The following HMGB1 variants were observed in gnomAD, a reference collection of about 807,000 sequenced individuals.
HMGB1 encodes high mobility group protein B1.
For synonymous variants in HMGB1, 81 were observed against 84.0 expected, an observed-to-expected ratio of 0.96 and a Z score of 0.19; for missense variants, 79 against 253.5, an observed-to-expected ratio of 0.31 and a Z score of 4.67.
At chr13:30,616,353 T>G (rs1328967635) in intron 1 of HMGB1, among the ~76,000 whole-genome samples, 2 of 152,240 alleles carry the variant, frequency 1.3e-5, no homozygotes, top group African/African-American at 4.8e-5. Flanking sequence ...TTTTAAAAAA[T>G]ACAATTCAGT....
At chr13:30,463,824 A>C in intron 1 of HMGB1, 130 bp from the exon 2 acceptor site, 4 of 625,428 alleles carry the variant, frequency 6.4e-6, no homozygotes, top group Non-Finnish European at 1.1e-5. Flanking sequence ...CCTCCGTAAA[A>C]TCAGACAAGA....
chr13:30,534,579 T>C (rs1160501955), intron 1 of HMGB1, among the ~76,000 whole-genome samples: 1 of 152,100 alleles, frequency 6.6e-6, no homozygotes, highest in Admixed American at 6.6e-5. Context: ...TTTTCTATGT[T>C]GTTAATTAGT....
chr13:30,513,886 G>A (rs74483103), intron 1 of HMGB1, among the ~76,000 whole-genome samples: 15,142 of 152,142 alleles, frequency 0.1, 1,122 homozygotes, highest in African/African-American at 0.19. Flanking sequence ...GCAATACTAT[G>A]CATCTAGCGA....
chr13:30,492,920 G>C (rs1458741481), intron 1 of HMGB1, among the ~76,000 whole-genome samples: 1 of 150,996 alleles, frequency 6.6e-6, no homozygotes, highest in Admixed American at 6.6e-5. Flanking sequence ...GAACCTGGGA[G>C]GGGGAGGTTG....
chr13:30,556,772 G>A lies in HMGB1; in HGVS notation c.-15+59899C>T, dbSNP rs1869710106. Among the ~76,000 whole-genome samples the A allele has an allele frequency of 2.6e-5, 4 of 152,192 alleles. No individual in the cohort carries two copies. In the South Asian group the frequency reaches 8.3e-4, roughly 31 times the overall value. ...GAGGCTGGGACGAGAGTGACAGAGA[G>A]ATTTGTTAAAAGATACAAAATTATA... On this transcript the variant is annotated intron_variant, in intron 1 of 4. Transcript: ENST00000405805.
intron 1 of HMGB1, among the ~76,000 whole-genome samples, chr13:30,507,925 G>C (rs901186792): frequency 1.3e-5 from 2 of 152,098 alleles, no homozygotes; most frequent in Non-Finnish European, 2.9e-5. Flanking sequence ...TGAGCCCCGG[G>C]ATTCAAGGCT....
intron 1 of HMGB1, among the ~76,000 whole-genome samples, chr13:30,599,160 C>T (rs1871748015): frequency 6.6e-6 from 1 of 152,094 alleles, no homozygotes; most frequent in South Asian, 2.1e-4. Flanking sequence ...TGTTAGTTTG[C>T]ATGGGCTGTC....
chr13:30,504,275 A>G (rs1254570395), intron 1 of HMGB1, among the ~76,000 whole-genome samples: 2 of 152,160 alleles, frequency 1.3e-5, no homozygotes, highest in Non-Finnish European at 2.9e-5. Context: ...TGTTCTTGCT[A>G]GTTGGTTTCT....
At chr13:30,548,276 T>C (rs893911400) in intron 1 of HMGB1, among the ~76,000 whole-genome samples, 1 of 152,158 alleles carries the variant, frequency 6.6e-6, no homozygotes, top group Non-Finnish European at 1.5e-5. Flanking sequence ...TTCCTGCTTT[T>C]GCTCGGCACT....
At chr13:30,494,206 T>C (rs1433113819) in intron 1 of HMGB1, among the ~76,000 whole-genome samples, 1 of 152,198 alleles carries the variant, frequency 6.6e-6, no homozygotes, top group East Asian at 1.9e-4. Context: ...ATCATCTACC[T>C]AATCAGCTAA....
chr13:30,548,193 G>A (rs562704543), intron 1 of HMGB1, among the ~76,000 whole-genome samples: 3 of 152,210 alleles, frequency 2.0e-5, no homozygotes, highest in Admixed American at 1.3e-4. Flanking sequence ...TGAATCATGG[G>A]GGTGGTTACC....
At chr13:30,557,320 TA>T (rs1405668716) in intron 1 of HMGB1, among the ~76,000 whole-genome samples, 1 of 152,214 alleles carries the variant, frequency 6.6e-6, no homozygotes, top group African/African-American at 2.4e-5. Flanking sequence ...TTCTAGGAGT[TA>T]ACCCTAAAAG....
intron 1 of HMGB1, among the ~76,000 whole-genome samples, chr13:30,556,625 A>G (rs1175822752): frequency 2.0e-5 from 3 of 152,264 alleles, no homozygotes; most frequent in Non-Finnish European, 4.4e-5. Flanking sequence ...ATGAAACTGG[A>G]GGACATTATT....
intron 1 of HMGB1, among the ~76,000 whole-genome samples, chr13:30,488,571 C>T (rs1457536702): frequency 6.6e-6 from 1 of 151,600 alleles, no homozygotes; most frequent in Non-Finnish European, 1.5e-5. Context: ...GTAGTCTTGC[C>T]CTCCCAGGCT....
rs1177126220 is a variant in HMGB1, at chr13:30,460,372, T to C, written c.*985A>G. ...GGAAAAGACATCTATAGCCAGCATT[T>C]TCATAGTCTTCACTGAGACTAATGT... On this transcript the variant is annotated 3_prime_UTR_variant, in exon 5 of 5. Transcript: ENST00000341423. The C allele has an allele frequency of 6.6e-6, 1 of 151,498 alleles. No homozygotes were observed. The highest frequency in any genetic ancestry group is 1.5e-5 in the Non-Finnish European group (1 of 67,758). The allele number at this position is 151,498 out of a possible 1,614,324, so 9.4% of individuals were successfully genotyped here.
intron 1 of HMGB1, among the ~76,000 whole-genome samples, chr13:30,587,755 T>C (rs1352961063): frequency 6.6e-6 from 1 of 152,236 alleles, no homozygotes; most frequent in African/African-American, 2.4e-5. Context: ...AACAAATTCT[T>C]GTATCACCCC....
intron 1 of HMGB1, among the ~76,000 whole-genome samples, chr13:30,519,701 T>TA (rs11313834): frequency 2.0e-5 from 3 of 148,446 alleles, no homozygotes; most frequent in African/African-American, 2.5e-5. Context: ...CTCCATCAAT[T>TA]AAAAAAAAAA....
At chr13:30,601,521 G>A (rs1414060801) in intron 1 of HMGB1, among the ~76,000 whole-genome samples, 2 of 38,626 alleles carry the variant, frequency 5.2e-5, no homozygotes, top group Non-Finnish European at 9.2e-5. Flanking sequence ...CGAGGCGGGC[G>A]GATCACGAGG....
chr13:30,599,808 C>T (rs1021431348), intron 1 of HMGB1, among the ~76,000 whole-genome samples: 34 of 152,240 alleles, frequency 2.2e-4, no homozygotes, highest in African/African-American at 6.7e-4. Flanking sequence ...AGTCACATTC[C>T]GAGTTCCAGG....
Sources: gnomAD v4.1 joint callset for allele counts (sites outside exome capture counted in the v4.1 genomes callset) on GRCh38, gnomAD v4.1.1 for gene constraint, MANE v1.5 for transcripts, NCBI Gene and HGNC (gene_info 2026-07-23, HGNC 2026-07-21) for gene names.